CAPN9: variants seen among roughly 807,000 people sequenced by gnomAD.
CAPN9 encodes the protein calpain-9.
A neutral mutation model predicts 92.8 loss-of-function variants in CAPN9; 81 were observed. That is an observed-to-expected ratio of 0.87 (90% CI 0.73 to 1.05). The LOEUF (loss-of-function observed/expected upper bound fraction) is 1.05, where lower values mean the gene tolerates loss of function less well. CAPN9 is among the 50% of genes least tolerant of loss of function. The pLI is 0.00. For synonymous variants in CAPN9, 304 were observed against 328.0 expected, an observed-to-expected ratio of 0.93 and a Z score of 0.79; for missense variants, 848 against 866.2, an observed-to-expected ratio of 0.98 and a Z score of 0.26.
intron 14 of CAPN9, among the ~76,000 whole-genome samples, chr1:230,791,520 G>A (rs188689231): frequency 6.6e-6 from 1 of 152,192 alleles, no homozygotes; most frequent in Non-Finnish European, 1.5e-5. Flanking sequence ...ATAGCCTAAG[G>A]TATTGACCAT....
intron 8 of CAPN9, chr1:230,776,349 G>T (rs1048767343): frequency 6.6e-6 from 1 of 152,176 alleles, no homozygotes. Flanking sequence ...TACTTCGAGG[G>T]TTAGGATTCA....
At position 230,759,642 on chromosome 1, in the gene CAPN9, C is replaced by G. The variant is rs774134642; in HGVS notation, c.402+12C>G. The stretch of plus-strand genomic sequence containing the variant: ...TATTCCATTTCCAGGTAAGAGGGAG[C>G]CCTGGGCCAGTGGGTTTACCTCTCT... On this transcript the variant is annotated intron_variant, in intron 3 of 19. Coordinates refer to ENST00000271971, the MANE Select transcript of CAPN9 (RefSeq NM_006615.3). 8 of 1,569,248 alleles carry G rather than the reference C, an allele frequency of 5.1e-6. No individual in the cohort carries two copies. Among genetic ancestry groups the G allele is most frequent in the Non-Finnish European group, 6.1e-6 (7 of 1,150,888 alleles).
chr1:230,752,389 A>G (rs1273373791), intron 1 of CAPN9, among the ~76,000 whole-genome samples: 2 of 152,158 alleles, frequency 1.3e-5, no homozygotes, highest in African/African-American at 4.8e-5. Context: ...TTTATACCCG[A>G]TGGCTAATTT....
At chr1:230,751,262 AG>A (rs1664745934) in intron 1 of CAPN9, among the ~76,000 whole-genome samples, 1 of 152,194 alleles carries the variant, frequency 6.6e-6, no homozygotes, top group Admixed American at 6.5e-5. Context: ...GTTCTGGGAC[AG>A]CCCCAAAGGC....
chr1:230,780,601 G>C lies in CAPN9; in HGVS notation c.1374G>C (p.Arg458=), dbSNP rs1230723003. The part of the protein sequence containing the change: ...TFINLREVSD[R]FKLPPGEYIL... ...TCAACCTGAGAGAAGTCTCCGACCG[G>C]TTCAAGCTGCCCCCTGGGGAGTACA... Residue 458 remains arginine (R), a synonymous_variant, in exon 11 of 20, where the codon CGG becomes CGC. Transcript: ENST00000271971. 6 of 1,614,034 alleles carry C rather than the reference G, an allele frequency of 3.7e-6. No homozygotes were observed. Among genetic ancestry groups the C allele is most frequent in the Non-Finnish European group, 5.1e-6 (6 of 1,180,020 alleles).
At chr1:230,797,546 G>A (rs934432989) in intron 18 of CAPN9, among the ~76,000 whole-genome samples, 15 of 152,202 alleles carry the variant, frequency 9.9e-5, no homozygotes, top group African/African-American at 1.9e-4. Context: ...CCCCCACCCC[G>A]CTTTGGGTTG....
intron 4 of CAPN9, among the ~76,000 whole-genome samples, chr1:230,764,730 C>T (rs1231429164): frequency 1.3e-5 from 2 of 152,172 alleles, no homozygotes; most frequent in African/African-American, 2.4e-5. Context: ...GCTGAACAAT[C>T]GAGTGAACGG....
intron 1 of CAPN9, among the ~76,000 whole-genome samples, chr1:230,749,892 T>C (rs1191036581): frequency 1.3e-5 from 2 of 152,186 alleles, no homozygotes; most frequent in Non-Finnish European, 2.9e-5. Context: ...TTGCAGTCTA[T>C]ATTGACATCA....
intron 1 of CAPN9, 75 bp downstream of exon 1, chr1:230,747,784 G>A (rs903840209): frequency 9.5e-6 from 13 of 1,374,736 alleles, no homozygotes; most frequent in Non-Finnish European, 1.3e-5. Flanking sequence ...TGGAAACAGG[G>A]GTGCTGGGGA....
At chr1:230,786,393 A>C (rs1572076487) in intron 12 of CAPN9, among the ~76,000 whole-genome samples, 1 of 152,292 alleles carries the variant, frequency 6.6e-6, no homozygotes, top group African/African-American at 2.4e-5. Flanking sequence ...CTATTTGGGG[A>C]GGTAAAGGAG....
intron 2 of CAPN9, among the ~76,000 whole-genome samples, chr1:230,758,565 T>C (rs1665406654): frequency 6.6e-6 from 1 of 152,164 alleles, no homozygotes; most frequent in South Asian, 2.1e-4. Flanking sequence ...GGAATTAGCT[T>C]TCCCGATGTT....
rs756185479 is a variant in CAPN9 at position 230,755,341 on chromosome 1, T to C, written c.218T>C (p.Ile73Thr). 5 of 1,609,568 alleles carry C rather than the reference T, an allele frequency of 3.1e-6. No homozygotes were observed. Among genetic ancestry groups the C allele is most frequent in the Non-Finnish European group, 4.2e-6 (5 of 1,177,808 alleles). The change falls in exon 2 of 20, where the codon ATC (isoleucine) becomes ACC (threonine). Residue 73 changes from isoleucine to threonine, a missense_variant. Ile to Thr is a moderately conservative substitution (Grantham distance 89). Transcript: ENST00000271971. ...IPFVWKRPGE[I>T]VKNPEFILGG... ...ATAACACTCTCATTCCTCCAGGAAA[T>C]CGTGAAAAACCCAGAATTCATTCTT...
At position 230,795,281 on chromosome 1, in the gene CAPN9, T is replaced by C; in HGVS notation, c.1987+2T>C. The C allele has an allele frequency of 6.3e-7, 1 of 1,597,074 alleles. No homozygotes were observed. Among genetic ancestry groups the C allele is most frequent in the East Asian group, 2.2e-5 (1 of 44,738 alleles). On this transcript the variant is annotated splice_donor_variant, in intron 18 of 19. Coordinates refer to ENST00000271971, the MANE Select transcript of CAPN9 (RefSeq NM_006615.3). LOFTEE classifies it high-confidence loss of function. ...TGGTCCGGCTGGAGAATGCGAGCCG[T>C]AAGTGTCCAGCGAGGCTGAGGGTGC...
At chr1:230,775,557 C>G (rs940151123) in intron 8 of CAPN9, among the ~76,000 whole-genome samples, 7 of 152,194 alleles carry the variant, frequency 4.6e-5, no homozygotes, top group African/African-American at 1.7e-4. Context: ...GTTTCTGGCT[C>G]TATTCCCTTT....
At chr1:230,773,371 T>G (rs1252641448) in intron 7 of CAPN9, among the ~76,000 whole-genome samples, 11 of 152,144 alleles carry the variant, frequency 7.2e-5, no homozygotes, top group Non-Finnish European at 2.9e-5. Context: ...GAAACCAAAA[T>G]TAGTGAGACT....
In CAPN9 at chr1:230,787,595, C is replaced by T. The variant is rs1189807153; in HGVS notation, c.1592C>T (p.Ala531Val). 1.9e-6 allele frequency: 3 copies of T among 1,613,672 alleles called. No individual in the cohort carries two copies. The highest frequency in any genetic ancestry group is 1.7e-6 in the Non-Finnish European group (2 of 1,179,718). Reference sequence around the variant, plus strand: ...TTTCGGGCTCTGTTTGAACAAGTCGCTGGTGAGGTAGGACATGCCCCACTT... The same window carrying T: ...TTTCGGGCTCTGTTTGAACAAGTCGTTGGTGAGGTAGGACATGCCCCACTT... ...QRFRALFEQV[A>V]GEDMEVTAEE... The change falls in exon 13 of 20, where the codon GCT (alanine) becomes GTT (valine). Residue 531 changes from alanine to valine, a missense_variant. Transcript: ENST00000271971.
intron 18 of CAPN9, among the ~76,000 whole-genome samples, chr1:230,796,128 C>T (rs28359731): frequency 0.11 from 16,804 of 150,810 alleles, 1,040 homozygotes; most frequent in South Asian, 0.24. Context: ...GTCAGGAGCT[C>T]GAGACCAGCT....
intron 5 of CAPN9, 89 bp downstream of exon 5, chr1:230,767,798 C>G: frequency 8.2e-7 from 1 of 1,225,684 alleles, no homozygotes; most frequent in Non-Finnish European, 1.1e-6. Flanking sequence ...ACCAGGTACC[C>G]CAGCCACACC....
intron 7 of CAPN9, among the ~76,000 whole-genome samples, chr1:230,772,378 T>A (rs888727934): frequency 6.6e-6 from 1 of 152,240 alleles, no homozygotes; most frequent in Non-Finnish European, 1.5e-5. Context: ...CATGGTGATG[T>A]TTATAACCCA....
Sources: allele counts gnomAD v4.1 joint callset (sites outside exome capture counted in the v4.1 genomes callset), GRCh38; gene constraint gnomAD v4.1.1; transcripts MANE v1.5; gene names NCBI Gene and HGNC (gene_info 2026-07-23, HGNC 2026-07-21).